Variants in PMS1 observed in about 807,000 individuals in gnomAD.
The protein encoded by PMS1 is PMS1 protein homolog 1.
Under a neutral mutation model 93.1 loss-of-function variants are expected in PMS1, and 79 were observed. The observed-to-expected ratio is 0.85, with a 90% CI of 0.71 to 1.02. The LOEUF is 1.02. Among genes scored for constraint, PMS1 ranks in the 50% least tolerant of loss-of-function variants. The pLI is 0.00. For missense variants in PMS1, 1,064 were observed against 1,085.3 expected (o/e 0.98, Z 0.28); for synonymous variants, 335 against 363.4 (o/e 0.92, Z 0.89).
chr2:189,817,387 A>G (rs2051412617), intron 4 of PMS1, among the ~76,000 whole-genome samples: 1 of 152,224 alleles, frequency 6.6e-6, no homozygotes, highest in South Asian at 2.1e-4. Flanking sequence ...TACCTATCGT[A>G]TATGGCTATG....
intron 9 of PMS1, among the ~76,000 whole-genome samples, chr2:189,861,781 C>G (rs1296793783): frequency 6.6e-6 from 1 of 151,400 alleles, no homozygotes; most frequent in African/African-American, 2.4e-5. Context: ...TGTCATCTGG[C>G]TCTGCATTGC....
intron 5 of PMS1, among the ~76,000 whole-genome samples, chr2:189,830,998 T>C (rs1175150224): frequency 6.6e-6 from 1 of 152,202 alleles, no homozygotes. Context: ...TAGGAACAAC[T>C]CTGAACGTGA....
chr2:189,852,741 A>C lies in PMS1; in HGVS notation c.786A>C (p.Ile262=). ...LSTPERSFIF[I]NSRPVHQKDI... ...CACCAGAAAGAAGTTTCATCTTCAT[A>C]AACAGTCGACCAGTACATCAAAAAG... is the stretch of plus-strand genomic sequence containing the variant. Residue 262 remains isoleucine, a synonymous_variant, in exon 7 of 13, where the codon ATA becomes ATC. Transcript: ENST00000441310. 1.3e-6 allele frequency: 2 copies of C among 1,594,296 alleles called. No individual in the cohort carries two copies. The highest frequency in any genetic ancestry group is 1.7e-6 in the Non-Finnish European group (2 of 1,162,132).
chr2:189,804,531 A>C (rs2050168684), intron 3 of PMS1, among the ~76,000 whole-genome samples: 1 of 152,106 alleles, frequency 6.6e-6, no homozygotes. Flanking sequence ...TTCAGAGAGA[A>C]TCTAACGTCC....
At chr2:189,806,913 C>A (rs946331483) in intron 4 of PMS1, 1 of 211,398 alleles carries the variant, frequency 4.7e-6, no homozygotes, top group Non-Finnish European at 9.6e-6. Flanking sequence ...GTTGTTTATC[C>A]TTCTGCTTCT....
rs1230111429 is a variant in PMS1 at position 189,857,215 on chromosome 2, C to T, written c.1856+2087C>T. The stretch of plus-strand genomic sequence containing the variant: ...AAGGGAATTTTTCTGTTGAGAAGAA[C>T]ATTTCTCATTTGTTGAGTCAAGATT... On this transcript the variant is annotated intron_variant, in intron 9 of 12. Transcript: ENST00000441310. 13 of 168,712 alleles carry T rather than the reference C, an allele frequency of 7.7e-5. No homozygotes were observed. In the South Asian group the frequency reaches 8.4e-4, roughly 11 times the overall value. The allele number at this position is 168,712 out of a possible 1,614,324, so 10.5% of individuals were successfully genotyped here.
At chr2:189,825,015 T>C (rs1452561617) in intron 5 of PMS1, among the ~76,000 whole-genome samples, 1 of 152,126 alleles carries the variant, frequency 6.6e-6, no homozygotes, top group Non-Finnish European at 1.5e-5. Flanking sequence ...CCTGACGATA[T>C]TGTTGTCTTT....
At chr2:189,837,934 A>G (rs2053524092) in intron 5 of PMS1, among the ~76,000 whole-genome samples, 1 of 152,236 alleles carries the variant, frequency 6.6e-6, no homozygotes, top group East Asian at 1.9e-4. Context: ...CATATATTGT[A>G]TGATTCCATT....
Position 189,867,844 on chromosome 2 carries a change from A to G in PMS1, c.2388A>G (p.Thr796=), listed in dbSNP as rs769354925. ...SHYLDVLYKM[T]ADDQRYSGST... Reference sequence around the variant, plus strand: ...ATTTAGACGTTTTATATAAAATGACAGCAGATGACCAAAGATACAGTGGAT... The same window carrying G: ...ATTTAGACGTTTTATATAAAATGACGGCAGATGACCAAAGATACAGTGGAT... The change falls in exon 11 of 13, where the codon ACA becomes ACG. Residue 796 remains threonine, a synonymous_variant. Transcript: ENST00000441310. 1.9e-6 allele frequency: 3 copies of G among 1,580,670 alleles called. No homozygotes were observed. In the African/African-American group the frequency reaches 4.0e-5, roughly 21 times the overall value.
intron 12 of PMS1, among the ~76,000 whole-genome samples, chr2:189,874,391 G>A (rs1273259899): frequency 6.6e-6 from 1 of 152,114 alleles, no homozygotes; most frequent in African/African-American, 2.4e-5. Flanking sequence ...GTGAAAGATG[G>A]GAATCTTTGA....
At chr2:189,821,398 C>G (rs564566738) in intron 5 of PMS1, among the ~76,000 whole-genome samples, 7 of 149,334 alleles carry the variant, frequency 4.7e-5, no homozygotes, top group African/African-American at 1.7e-4. Flanking sequence ...GGGAGGTTGC[C>G]GTGAGCCGAG....
intron 4 of PMS1, chr2:189,806,045 A>T: frequency 2.6e-6 from 2 of 756,798 alleles, no homozygotes. Flanking sequence ...TACCAGTGTC[A>T]TCTTCATATA....
At chr2:189,803,015 T>C (rs756391646) in intron 3 of PMS1, among the ~76,000 whole-genome samples, 8 of 152,176 alleles carry the variant, frequency 5.3e-5, no homozygotes, top group East Asian at 1.9e-4. Flanking sequence ...CTTTAATTAG[T>C]GCACAATACT....
Position 189,818,031 on chromosome 2 carries a change from G to C in PMS1, c.433G>C (p.Ala145Pro). ...TCTGCCAACAGGTACAACTGTAACT[G>C]CTTTAAGATTATTTAAGAATCTACC... ...SHLGQGTTVT[A>P]LRLFKNLPVR... Residue 145 changes from alanine (A) to proline (P), a missense_variant, in exon 5 of 13, where the codon GCT becomes CCT. Ala to Pro is a conservative substitution (Grantham distance 27). Transcript: ENST00000441310. 6.2e-7 allele frequency: 1 copy of C among 1,609,370 alleles called. No individual in the cohort carries two copies. The highest frequency in any genetic ancestry group is 8.5e-7 in the Non-Finnish European group (1 of 1,176,320).
intron 2 of PMS1, among the ~76,000 whole-genome samples, chr2:189,792,795 T>TTTTA (rs899826460): frequency 4.7e-5 from 7 of 149,594 alleles, no homozygotes; most frequent in Non-Finnish European, 8.9e-5. Context: ...CCATTTTATT[T>TTTTA]TTTATTTATT....
chr2:189,836,662 T>C (rs1256650597), intron 5 of PMS1, among the ~76,000 whole-genome samples: 1 of 152,248 alleles, frequency 6.6e-6, no homozygotes, highest in Non-Finnish European at 1.5e-5. Context: ...GAGAAGATTT[T>C]ACTTGTTGGC....
At chr2:189,847,485 A>C (rs555784657) in intron 6 of PMS1, among the ~76,000 whole-genome samples, 2 of 151,782 alleles carry the variant, frequency 1.3e-5, no homozygotes, top group East Asian at 3.9e-4. Flanking sequence ...AATTATGTTT[A>C]ATTTCCAAGA....
At position 189,875,345 on chromosome 2, in the gene PMS1, G is replaced by A. The variant is rs10196470; in HGVS notation, c.2634+1689G>A. Among the ~76,000 whole-genome samples, 663 of 151,722 alleles carry A rather than the reference G, an allele frequency of 4.4e-3. 8 individuals are homozygous for A. Among genetic ancestry groups the A allele is most frequent in the African/African-American group, 0.015 (630 of 41,310 alleles). On this transcript the variant is annotated intron_variant, in intron 12 of 12. Transcript: ENST00000441310. ...GATACTAAAATCCAGGCATGCTTAA[G>A]TCCTGCAGTCAGCCCTCCAGAACCC...
At position 189,864,287 on chromosome 2, in the gene PMS1, A is replaced by T. The variant is rs989506712; in HGVS notation, c.2342+59A>T. On this transcript the variant is annotated intron_variant, in intron 10 of 12. Transcript: ENST00000441310. ...TATTTATTATAATAGTTCATACTAGATTAAAATCGAAGGTAGAAGGTTGGG... is the reference window on the plus strand; with the variant it reads ...TATTTATTATAATAGTTCATACTAGTTTAAAATCGAAGGTAGAAGGTTGGG... 5 of 1,149,222 alleles carry T rather than the reference A, an allele frequency of 4.4e-6. No homozygotes were observed. In the African/African-American group the frequency reaches 6.2e-5, roughly 14 times the overall value. The allele number at this position is 1,149,222 out of a possible 1,614,324, so 71.2% of individuals were successfully genotyped here.
Sources: gnomAD v4.1 joint callset for allele counts (sites outside exome capture counted in the v4.1 genomes callset) on GRCh38, gnomAD v4.1.1 for gene constraint, MANE v1.5 for transcripts, NCBI Gene and HGNC (gene_info 2026-07-23, HGNC 2026-07-21) for gene names.